The following ATXN7 variants were observed in gnomAD, a reference collection of about 807,000 sequenced individuals.
The protein encoded by ATXN7 is ataxin 7.
Under a neutral mutation model 70.5 loss-of-function variants are expected in ATXN7, and 12 were observed. The ratio of observed to expected loss-of-function variants is 0.17; its 90% CI spans 0.11 to 0.28. ATXN7 has a LOEUF of 0.28. Among genes scored for constraint, ATXN7 ranks in the 10% least tolerant of loss-of-function variants. The pLI, the probability that ATXN7 is intolerant of heterozygous loss-of-function variation, is 1.00. For synonymous variants in ATXN7, 498 were observed against 448.7 expected (o/e 1.11, Z -1.39); for missense variants, 1,256 against 1,131.7 (o/e 1.11, Z -1.58).
intron 5 of ATXN7, among the ~76,000 whole-genome samples, chr3:63,971,124 A>C (rs1406039455): frequency 2.0e-5 from 3 of 152,222 alleles, no homozygotes; most frequent in Non-Finnish European, 2.9e-5. Flanking sequence ...CATCCTTTTC[A>C]GTTAAATCTC....
At chr3:63,986,222 C>T (rs1024726265) in intron 8 of ATXN7, among the ~76,000 whole-genome samples, 5 of 152,272 alleles carry the variant, frequency 3.3e-5, no homozygotes, top group East Asian at 1.9e-4. Flanking sequence ...AAGAGGTACG[C>T]GGGACCAAAG....
intron 4 of ATXN7, among the ~76,000 whole-genome samples, chr3:63,939,293 G>A (rs1460145092): frequency 1.3e-5 from 2 of 152,104 alleles, no homozygotes. Context: ...ACAAAGTCAT[G>A]TCAACAGTTC....
intron 5 of ATXN7, among the ~76,000 whole-genome samples, chr3:63,961,404 C>A (rs535032804): frequency 1.3e-5 from 2 of 152,054 alleles, no homozygotes; most frequent in Admixed American, 6.6e-5. Context: ...CTCTAAGGAC[C>A]GTCCTTCTTT....
upstream of ATXN7, chr3:63,863,548 G>A: frequency 8.4e-7 from 1 of 1,195,016 alleles, no homozygotes; most frequent in Non-Finnish European, 1.0e-6. Flanking sequence ...GGGGAAAGCC[G>A]AGGGTCTCCG....
chr3:63,998,654 G>C (rs1421165791), intron 12 of ATXN7: 1 of 985,274 alleles, frequency 1.0e-6, no homozygotes, highest in Non-Finnish European at 1.2e-6. Flanking sequence ...GGCAAGAGCA[G>C]GGGTGCTTGC....
intron 5 of ATXN7, among the ~76,000 whole-genome samples, chr3:63,966,747 G>GC (rs1553692042): frequency 1.3e-5 from 2 of 152,146 alleles, no homozygotes; most frequent in Non-Finnish European, 2.9e-5. Flanking sequence ...ACTCTTCCCC[G>GC]CACCTTTCAG....
At chr3:63,930,472 A>C (rs1704905863) in intron 4 of ATXN7, among the ~76,000 whole-genome samples, 1 of 152,182 alleles carries the variant, frequency 6.6e-6, no homozygotes, top group Non-Finnish European at 1.5e-5. Context: ...TGTCAAATGA[A>C]GAGAGAAGTC....
chr3:63,886,126 T>C (rs553266886), intron 1 of ATXN7, among the ~76,000 whole-genome samples: 1 of 152,308 alleles, frequency 6.6e-6, no homozygotes, highest in Non-Finnish European at 1.5e-5. Flanking sequence ...ACCTGGAGGA[T>C]ATTAAGTGAA....
At chr3:63,932,865 G>T (rs1262621610) in intron 4 of ATXN7, among the ~76,000 whole-genome samples, 7 of 152,146 alleles carry the variant, frequency 4.6e-5, no homozygotes, top group Admixed American at 4.6e-4. Context: ...TAGGGAGATT[G>T]TTACATGTCA....
intron 1 of ATXN7, among the ~76,000 whole-genome samples, chr3:63,895,948 G>A (rs1703432102): frequency 6.6e-6 from 1 of 152,048 alleles, no homozygotes; most frequent in Non-Finnish European, 1.5e-5. Flanking sequence ...AGAGCACTTA[G>A]AGGTAGCTTG....
chr3:63,876,462 T>G (rs1408013289), intron 1 of ATXN7, among the ~76,000 whole-genome samples: 2 of 152,138 alleles, frequency 1.3e-5, no homozygotes, highest in African/African-American at 4.8e-5. Flanking sequence ...AAGGAATCGC[T>G]TGTTCAAATT....
intron 5 of ATXN7, among the ~76,000 whole-genome samples, chr3:63,979,361 C>T (rs2075447051): frequency 6.6e-6 from 1 of 152,092 alleles, no homozygotes; most frequent in Admixed American, 6.6e-5. Flanking sequence ...AAAATTTCAG[C>T]ACAGATTCTT....
intron 5 of ATXN7, among the ~76,000 whole-genome samples, chr3:63,967,004 C>T (rs1445154209): frequency 2.0e-5 from 3 of 152,188 alleles, no homozygotes; most frequent in East Asian, 1.9e-4. Context: ...GGCTGGAGTG[C>T]GGTGGCACAG....
chr3:63,907,330 C>T (rs918573224), intron 2 of ATXN7, among the ~76,000 whole-genome samples: 6 of 152,022 alleles, frequency 3.9e-5, no homozygotes, highest in African/African-American at 1.4e-4. Context: ...TACAAAGGTA[C>T]ATGGGAAATT....
chr3:63,892,281 G>C (rs1419025616), intron 1 of ATXN7, among the ~76,000 whole-genome samples: 1 of 151,940 alleles, frequency 6.6e-6, no homozygotes, highest in Non-Finnish European at 1.5e-5. Flanking sequence ...GCCAGTCATA[G>C]GAGATTAACG....
At chr3:63,896,469 G>A (rs1703452651) in intron 1 of ATXN7, among the ~76,000 whole-genome samples, 1 of 152,116 alleles carries the variant, frequency 6.6e-6, no homozygotes, top group South Asian at 2.1e-4. Context: ...ACTGGAAAGG[G>A]AACTAAATAT....
chr3:63,972,130 A>G (rs769923984), intron 5 of ATXN7, among the ~76,000 whole-genome samples: 3 of 152,136 alleles, frequency 2.0e-5, no homozygotes, highest in Non-Finnish European at 4.4e-5. Flanking sequence ...AGCTGCAGTT[A>G]TTTTTCAACC....
intron 4 of ATXN7, among the ~76,000 whole-genome samples, chr3:63,933,668 A>G (rs540506763): frequency 6.6e-6 from 1 of 152,198 alleles, no homozygotes; most frequent in South Asian, 2.1e-4. Context: ...AGTTTCAGCT[A>G]CTTTTCTTTT....
chr3:63,953,372 G>T (rs1256734529), intron 5 of ATXN7, among the ~76,000 whole-genome samples: 1 of 152,166 alleles, frequency 6.6e-6, no homozygotes, highest in Admixed American at 6.5e-5. Context: ...GGCCCGTGTG[G>T]CTGAAGGGTA....
Sources: gnomAD v4.1 joint callset for allele counts (sites outside exome capture counted in the v4.1 genomes callset) on GRCh38, gnomAD v4.1.1 for gene constraint, MANE v1.5 for transcripts, NCBI Gene and HGNC (gene_info 2026-07-23, HGNC 2026-07-21) for gene names.